The following DCC variants were observed in gnomAD, a reference collection of about 807,000 sequenced individuals.
The protein encoded by DCC is netrin receptor DCC.
Under a neutral mutation model 172.5 loss-of-function variants are expected in DCC, and 58 were observed. The ratio of observed to expected loss-of-function variants is 0.34; its 90% CI spans 0.27 to 0.42. The LOEUF (loss-of-function observed/expected upper bound fraction) is 0.42. Ranked by LOEUF, DCC falls within the 10% of genes least tolerant of loss-of-function variation. The probability of loss-of-function intolerance (pLI) is 1.00; values close to 1 mark genes in which losing one functional copy is unlikely to be tolerated. For missense variants in DCC, 1,740 were observed against 1,791.0 expected (o/e 0.97, Z 0.51); for synonymous variants, 709 against 644.5 (o/e 1.10, Z -1.52).
chr18:52,909,201 A>G (rs918684967), intron 3 of DCC, among the ~76,000 whole-genome samples: 1 of 152,192 alleles, frequency 6.6e-6, no homozygotes, highest in African/African-American at 2.4e-5. Flanking sequence ...CACTCTCTGT[A>G]AGTACCAATG....
intron 17 of DCC, among the ~76,000 whole-genome samples, chr18:53,393,847 C>A (rs895715642): frequency 6.6e-6 from 1 of 151,664 alleles, no homozygotes; most frequent in Admixed American, 6.6e-5. Context: ...TTAACTGTTC[C>A]TCTTCCCTTC....
At chr18:53,164,237 A>G (rs1258254467) in intron 8 of DCC, among the ~76,000 whole-genome samples, 1 of 152,124 alleles carries the variant, frequency 6.6e-6, no homozygotes, top group East Asian at 1.9e-4. Context: ...CACACTAGTG[A>G]ATTTTTATTG....
At chr18:53,494,331 CTGTT>C (rs1464087816) in intron 26 of DCC, among the ~76,000 whole-genome samples, 3 of 152,158 alleles carry the variant, frequency 2.0e-5, no homozygotes, top group South Asian at 2.1e-4. Flanking sequence ...GTGTGGGTGT[CTGTT>C]TGGTCCAGAG....
chr18:52,453,556 G>T (rs1988371494), intron 1 of DCC, among the ~76,000 whole-genome samples: 1 of 152,190 alleles, frequency 6.6e-6, no homozygotes, highest in Admixed American at 6.6e-5. Context: ...ATGCATTTCT[G>T]CAGACCAAAG....
chr18:53,339,963 A>G (rs1004180714), intron 15 of DCC, 56 bp downstream of exon 15: 17 of 1,498,478 alleles, frequency 1.1e-5, no homozygotes, highest in Non-Finnish European at 1.5e-5. Context: ...TTTATTTTGA[A>G]TTATTGTATT....
At chr18:52,694,595 C>A (rs946889288) in intron 1 of DCC, among the ~76,000 whole-genome samples, 2 of 135,964 alleles carry the variant, frequency 1.5e-5, no homozygotes, top group East Asian at 1.9e-4. Context: ...ACATATACTT[C>A]TTTTTACATT....
At chr18:52,965,543 G>T (rs1323035634) in intron 5 of DCC, among the ~76,000 whole-genome samples, 1 of 152,080 alleles carries the variant, frequency 6.6e-6, no homozygotes, top group Non-Finnish European at 1.5e-5. Context: ...CAAAAATAGG[G>T]TTAAAACTAT....
intron 1 of DCC, among the ~76,000 whole-genome samples, chr18:52,749,518 T>A (rs77447886): frequency 0.028 from 4,209 of 152,344 alleles, 89 homozygotes; most frequent in Non-Finnish European, 0.041. Flanking sequence ...TAATGCAAGT[T>A]ACTTAAAGCA....
chr18:52,482,840 C>G (rs1209529291), intron 1 of DCC, among the ~76,000 whole-genome samples: 2 of 152,094 alleles, frequency 1.3e-5, no homozygotes, highest in African/African-American at 4.8e-5. Context: ...TTCTCTTTAC[C>G]CCTTTCGTAT....
chr18:52,933,851 A>G (rs1394305967), intron 5 of DCC, among the ~76,000 whole-genome samples: 1 of 152,062 alleles, frequency 6.6e-6, no homozygotes, highest in Non-Finnish European at 1.5e-5. Flanking sequence ...GCACCTATTA[A>G]GTAATTTCTT....
chr18:52,547,998 A>G (rs2144717044), intron 1 of DCC, among the ~76,000 whole-genome samples: 1 of 152,294 alleles, frequency 6.6e-6, no homozygotes, highest in Non-Finnish European at 1.5e-5. Flanking sequence ...TTTGGCCCTC[A>G]GCCCAAAATT....
intron 1 of DCC, among the ~76,000 whole-genome samples, chr18:52,559,256 CAT>C (rs1298511751): frequency 6.6e-6 from 1 of 152,106 alleles, no homozygotes; most frequent in East Asian, 1.9e-4. Flanking sequence ...GGACTACAGA[CAT>C]GTGCCACCAC....
At chr18:53,019,420 G>C (rs1251305388) in intron 5 of DCC, among the ~76,000 whole-genome samples, 3 of 152,098 alleles carry the variant, frequency 2.0e-5, no homozygotes, top group African/African-American at 7.2e-5. Flanking sequence ...ATTGTCATGA[G>C]CTACTTTTCC....
At chr18:53,354,539 C>T (rs997672274) in intron 15 of DCC, among the ~76,000 whole-genome samples, 19 of 152,080 alleles carry the variant, frequency 1.2e-4, no homozygotes, top group African/African-American at 3.6e-4. Flanking sequence ...CTTCATGTGT[C>T]TGTTGGCTGC....
intron 22 of DCC, 89 bp downstream of exon 22, chr18:53,435,298 C>T: frequency 1.2e-6 from 1 of 831,208 alleles, no homozygotes. Flanking sequence ...CTATCAACTA[C>T]AAGTGCCAGG....
At chr18:52,466,295 A>C (rs1988783517) in intron 1 of DCC, among the ~76,000 whole-genome samples, 1 of 152,200 alleles carries the variant, frequency 6.6e-6, no homozygotes, top group South Asian at 2.1e-4. Flanking sequence ...GTCTAACATA[A>C]AAATAGTGGC....
At chr18:52,342,300 T>C (rs1426947339) in intron 1 of DCC, among the ~76,000 whole-genome samples, 2 of 147,448 alleles carry the variant, frequency 1.4e-5, no homozygotes, top group South Asian at 2.2e-4. Flanking sequence ...TGTGTGTGTG[T>C]GCACGCGCGC....
At chr18:52,392,632 A>G (rs1169845091) in intron 1 of DCC, among the ~76,000 whole-genome samples, 2 of 152,060 alleles carry the variant, frequency 1.3e-5, no homozygotes, top group Non-Finnish European at 2.9e-5. Flanking sequence ...GTGTGTGTGT[A>G]GGTGAGGGGA....
chr18:53,033,548 C>T (rs1406924597), intron 5 of DCC, among the ~76,000 whole-genome samples: 1 of 152,134 alleles, frequency 6.6e-6, no homozygotes, highest in East Asian at 1.9e-4. Flanking sequence ...TTGCGTCCTG[C>T]ATGCTGTCTC....
Sources: allele counts gnomAD v4.1 joint callset (sites outside exome capture counted in the v4.1 genomes callset), GRCh38; gene constraint gnomAD v4.1.1; transcripts MANE v1.5; gene names NCBI Gene and HGNC (gene_info 2026-07-23, HGNC 2026-07-21).